CEP57: variants seen among roughly 807,000 people sequenced by gnomAD.
CEP57 encodes the protein centrosomal protein 57, also known as centrosomal protein of 57 kDa.
In CEP57, 40 loss-of-function variants were observed where a neutral mutation model predicts 68.0. That is an observed-to-expected ratio of 0.59 (90% CI 0.46 to 0.77). The LOEUF (loss-of-function observed/expected upper bound fraction) is 0.77, where lower values mean the gene tolerates loss of function less well. CEP57 is among the 30% of genes least tolerant of loss of function. CEP57 has a pLI of 0.00. For synonymous variants in CEP57, 219 were observed against 198.7 expected (o/e 1.10, Z -0.86); for missense variants, 606 against 580.7 (o/e 1.04, Z -0.45).
At chr11:95,791,946 C>T (rs1411147254) in intron 1 of CEP57, among the ~76,000 whole-genome samples, 1 of 151,894 alleles carries the variant, frequency 6.6e-6, no homozygotes, top group Non-Finnish European at 1.5e-5. Flanking sequence ...AGGGAAGGAA[C>T]TAGAAGAGTA....
intron 1 of CEP57, among the ~76,000 whole-genome samples, chr11:95,791,845 A>G (rs936873810): frequency 2.6e-5 from 4 of 152,202 alleles, no homozygotes; most frequent in Non-Finnish European, 5.9e-5. Flanking sequence ...GAAACTTGAG[A>G]TAGTTCGGAA....
At position 95,818,846 on chromosome 11, in the gene CEP57, A is replaced by C. The variant is rs1361485910; in HGVS notation, c.641A>C (p.Glu214Ala). The change falls in exon 6 of 11, where the codon GAA becomes GCA. Residue 214 changes from glutamate (E) to alanine (A), a missense_variant. Physicochemically the swap from Glu to Ala is moderately radical, Grantham distance 107 (BLOSUM62 -1). Coordinates refer to ENST00000325542, the MANE Select transcript of CEP57 (RefSeq NM_014679.5). Reference sequence around the variant, plus strand: ...CACTAGAAAAAAATGCAAGAGTTGGAAGCAAAACTCCATGAAGAAGAACAG... The same window carrying C: ...CACTAGAAAAAAATGCAAGAGTTGGCAGCAAAACTCCATGAAGAAGAACAG... ...ALAEKKMQEL[E>A]AKLHEEEQER... is the part of the protein sequence containing the mutation. 6 of 1,613,886 alleles carry C rather than the reference A, an allele frequency of 3.7e-6. No homozygotes were observed. The Admixed American group carries it at 1.0e-4, about 27-fold the overall frequency.
Position 95,790,682 on chromosome 11 carries a change from C to A in CEP57, c.-17C>A. 6.2e-7 allele frequency: 1 copy of A among 1,613,518 alleles called. No homozygotes were observed. Among genetic ancestry groups the A allele is most frequent in the Non-Finnish European group, 8.5e-7 (1 of 1,179,816 alleles). ...GACCGCCCCCGAAGTGCGGAGACCCCCTGGGCAGGCTGAAAGATGGCGGCG... is the reference window on the plus strand; with the variant it reads ...GACCGCCCCCGAAGTGCGGAGACCCACTGGGCAGGCTGAAAGATGGCGGCG... On this transcript the variant is annotated 5_prime_UTR_variant, in exon 1 of 11. Transcript: ENST00000325542.
Position 95,831,444 on chromosome 11 carries a change from GAAACCAGGGGA to G in CEP57, c.*189_*199del. On this transcript the variant is annotated 3_prime_UTR_variant, in exon 11 of 11. Transcript: ENST00000325542. ...GACTCAATGTTAAAGCATTTAAATG[GAAACCAGGGGA>G]GTTTTAAAGCCCGAGAAACCACACA... The G allele has an allele frequency of 1.9e-6, 1 of 520,208 alleles. No individual in the cohort carries two copies. The highest frequency in any genetic ancestry group is 3.4e-6 in the Non-Finnish European group (1 of 290,326). 32.2% of individuals were successfully genotyped at this position (520,208 alleles called of 1,614,324 possible).
At chr11:95,807,952 T>C (rs1244993741) in intron 2 of CEP57, among the ~76,000 whole-genome samples, 3 of 151,966 alleles carry the variant, frequency 2.0e-5, no homozygotes, top group Non-Finnish European at 4.4e-5. Context: ...GGAAAAAATA[T>C]TAAGGGCAGC....
chr11:95,805,418 T>C (rs1487213662), intron 2 of CEP57, among the ~76,000 whole-genome samples: 1 of 152,166 alleles, frequency 6.6e-6, no homozygotes, highest in Non-Finnish European at 1.5e-5. Flanking sequence ...TTTCTAGTTA[T>C]ATTGTAGTCT....
At chr11:95,806,213 A>C (rs984212983) in intron 2 of CEP57, among the ~76,000 whole-genome samples, 2 of 152,210 alleles carry the variant, frequency 1.3e-5, no homozygotes, top group African/African-American at 4.8e-5. Context: ...TTTTGGAAGT[A>C]AGCTGGGTAT....
intron 2 of CEP57, among the ~76,000 whole-genome samples, chr11:95,801,026 G>A (rs1227182322): frequency 2.0e-5 from 3 of 152,038 alleles, no homozygotes; most frequent in East Asian, 3.9e-4. Context: ...TTTTGACATC[G>A]TAGGCTAAAC....
At chr11:95,796,540 A>T (rs1171718181) in intron 1 of CEP57, among the ~76,000 whole-genome samples, 2 of 152,228 alleles carry the variant, frequency 1.3e-5, no homozygotes, top group African/African-American at 4.8e-5. Flanking sequence ...TTTTATAAGT[A>T]ATGTGCAGTT....
intron 6 of CEP57, among the ~76,000 whole-genome samples, chr11:95,821,390 T>G (rs1334929277): frequency 6.6e-6 from 1 of 152,126 alleles, no homozygotes; most frequent in Non-Finnish European, 1.5e-5. Flanking sequence ...CTTCCAGTGT[T>G]TTTTGTTTTT....
upstream of CEP57, chr11:95,790,379 CG>C (rs1182796346): frequency 1.7e-5 from 8 of 468,512 alleles, no homozygotes; most frequent in Non-Finnish European, 2.3e-5. Flanking sequence ...TCTGCCCCAG[CG>C]GGCCCCGTTA....
rs151269085 is a variant in CEP57, at chr11:95,813,558, A to G, written c.473A>G (p.Glu158Gly). 9.3e-6 allele frequency: 15 copies of G among 1,613,156 alleles called. No individual in the cohort carries two copies. The highest frequency in any genetic ancestry group is 1.0e-5 in the Non-Finnish European group (12 of 1,179,972). ...ATGCGAAATATGATAAAGCATGCCG[A>G]AATGGAGAGGACATCTGTCTTAGAG... ...EYMRNMIKHA[E>G]MERTSVLEKQ... The change falls in exon 4 of 11, where the codon GAA becomes GGA. Residue 158 changes from glutamate (E) to glycine (G), a missense_variant. Glu to Gly is a moderately conservative substitution (Grantham distance 98, BLOSUM62 -2). Coordinates refer to ENST00000325542, the MANE Select transcript of CEP57 (RefSeq NM_014679.5).
At chr11:95,794,201 T>G in intron 1 of CEP57, 1 of 453,670 alleles carries the variant, frequency 2.2e-6, no homozygotes, top group Non-Finnish European at 4.4e-6. Flanking sequence ...AGGGCAGTGA[T>G]TTTTCTTTTT....
chr11:95,819,799 T>TA, intron 6 of CEP57, among the ~76,000 whole-genome samples: 1 of 152,338 alleles, frequency 6.6e-6, no homozygotes, highest in Admixed American at 6.5e-5. Context: ...TTATCTTTGT[T>TA]ATGTTGTCTA....
At chr11:95,814,723 A>G (rs1388771221) in intron 4 of CEP57, among the ~76,000 whole-genome samples, 2 of 152,106 alleles carry the variant, frequency 1.3e-5, no homozygotes, top group Non-Finnish European at 2.9e-5. Context: ...GTTTGCATTC[A>G]TTAGTTTTGT....
chr11:95,804,494 T>C (rs1285849171), intron 2 of CEP57, among the ~76,000 whole-genome samples: 2 of 152,176 alleles, frequency 1.3e-5, no homozygotes, highest in Non-Finnish European at 2.9e-5. Flanking sequence ...AACAAAGCTC[T>C]AGGCGCCCCT....
intron 10 of CEP57, among the ~76,000 whole-genome samples, chr11:95,829,692 ATATT>A (rs1488977624): frequency 6.6e-6 from 1 of 152,202 alleles, no homozygotes; most frequent in East Asian, 1.9e-4. Flanking sequence ...TATGTGAAAT[ATATT>A]TATGTTGCTA....
At chr11:95,795,159 T>C (rs1344431643) in intron 1 of CEP57, among the ~76,000 whole-genome samples, 1 of 152,198 alleles carries the variant, frequency 6.6e-6, no homozygotes, top group African/African-American at 2.4e-5. Context: ...TTAGATTTTA[T>C]TGAATTTCTA....
rs547747098 is a variant in CEP57 at position 95,807,484 on chromosome 11, G to A, written c.203-5448G>A. 8.5e-5 allele frequency among the ~76,000 whole-genome samples: 13 copies of A among 152,228 alleles called. No homozygotes were observed. The South Asian group carries it at 1.2e-3, about 15-fold the overall frequency. ...TAAAAACCTTGAAAAAAGATTAGAC[G>A]AATGGCTAACTAGAATAAACAGCGT... On this transcript the variant is annotated intron_variant, in intron 2 of 10. Transcript: ENST00000325542.
Sources: allele counts gnomAD v4.1 joint callset (sites outside exome capture counted in the v4.1 genomes callset), GRCh38; gene constraint gnomAD v4.1.1; transcripts MANE v1.5; gene names NCBI Gene and HGNC (gene_info 2026-07-23, HGNC 2026-07-21).